ICAM1: variants seen among roughly 807,000 people sequenced by gnomAD.
ICAM1 encodes the protein intercellular adhesion molecule 1.
ICAM1 carries 28 observed loss-of-function variants against 42.3 expected under a neutral mutation model. The observed-to-expected ratio is 0.66, with a 90% CI of 0.49 to 0.91. ICAM1 has a LOEUF of 0.91. ICAM1 is among the 40% of genes least tolerant of loss of function. The pLI, the probability that ICAM1 is intolerant of heterozygous loss-of-function variation, is 0.00. For missense variants in ICAM1, 637 were observed against 688.6 expected, an observed-to-expected ratio of 0.93 and a Z score of 0.84; for synonymous variants, 304 against 305.9, an observed-to-expected ratio of 0.99 and a Z score of 0.07.
At chr19:10,282,749 TCACCTGTAATCCCAG>T (rs1191790146) in intron 2 of ICAM1, among the ~76,000 whole-genome samples, 5 of 151,658 alleles carry the variant, frequency 3.3e-5, no homozygotes. Flanking sequence ...TCATTTACTT[TCACCTGTAATCCCAG>T]CACTTTGGGA....
intron 2 of ICAM1, among the ~76,000 whole-genome samples, chr19:10,281,742 T>C (rs80087128): frequency 4.6e-4 from 41 of 88,272 alleles, no homozygotes; most frequent in African/African-American, 8.9e-4. Flanking sequence ...TTTTTTTTTT[T>C]CCTCTGAGAG....
chr19:10,280,426 T>G (rs543955534), intron 2 of ICAM1, among the ~76,000 whole-genome samples: 4 of 152,076 alleles, frequency 2.6e-5, no homozygotes, highest in Non-Finnish European at 5.9e-5. Context: ...CAGGCTGGAG[T>G]GCAGTGGTAC....
At chr19:10,281,077 G>A (rs2040053497) in intron 2 of ICAM1, among the ~76,000 whole-genome samples, 1 of 150,884 alleles carries the variant, frequency 6.6e-6, no homozygotes, top group Non-Finnish European at 1.5e-5. Flanking sequence ...GTTTCACCGT[G>A]TTAGCCAGGA....
At chr19:10,275,127 G>T in intron 2 of ICAM1, 99 bp downstream of exon 2, 1 of 1,281,642 alleles carries the variant, frequency 7.8e-7, no homozygotes, top group Non-Finnish European at 1.1e-6. Context: ...CCACTTGCTC[G>T]TAGGGTCAAG....
At chr19:10,274,729 T>G in intron 1 of ICAM1, 36 bp from the exon 2 acceptor site, 1 of 1,599,152 alleles carries the variant, frequency 6.3e-7, no homozygotes, top group Non-Finnish European at 8.5e-7. Context: ...GAACCTGATT[T>G]GTAATGCCTG....
chr19:10,283,770 C>G lies in ICAM1; in HGVS notation c.621C>G (p.Tyr207Ter). The change falls in exon 3 of 7, where the codon TAC (tyrosine) becomes TAG (stop). Residue 207 changes from tyrosine to a stop codon, truncating the protein, a stop_gained. Transcript: ENST00000264832. LOFTEE classifies it high-confidence loss of function. ...TGTTTGAGAACACCTCGGCCCCCTA[C>G]CAGCTCCAGACCTTTGGTGAGGATT... Reference protein sequence around the residue: ...LELFENTSAPYQLQTFVLPAT... With the variant: ...LELFENTSAP 1.2e-6 allele frequency: 2 copies of G among 1,607,614 alleles called. No homozygotes were observed. Among genetic ancestry groups the G allele is most frequent in the Non-Finnish European group, 1.7e-6 (2 of 1,176,870 alleles).
chr19:10,281,898 G>A (rs2040062247), intron 2 of ICAM1, among the ~76,000 whole-genome samples: 1 of 151,322 alleles, frequency 6.6e-6, no homozygotes, highest in Non-Finnish European at 1.5e-5. Context: ...ACAACACCAC[G>A]CCTGGCTAAT....
intron 2 of ICAM1, among the ~76,000 whole-genome samples, chr19:10,281,040 A>AC (rs2040052951): frequency 1.3e-5 from 2 of 151,100 alleles, no homozygotes; most frequent in Non-Finnish European, 1.5e-5. Flanking sequence ...CGCCTGGCTA[A>AC]TTTTTTGTAT....
At chr19:10,276,462 A>G (rs1376579657) in intron 2 of ICAM1, among the ~76,000 whole-genome samples, 4 of 147,380 alleles carry the variant, frequency 2.7e-5, no homozygotes, top group Non-Finnish European at 4.5e-5. Flanking sequence ...GGAGAATGGC[A>G]TGAACCCGGG....
chr19:10,275,353 C>T (rs941361302), intron 2 of ICAM1, among the ~76,000 whole-genome samples: 3 of 152,010 alleles, frequency 2.0e-5, no homozygotes, highest in Non-Finnish European at 2.9e-5. Context: ...AAAAATCAGC[C>T]GGGCATGGTG....
intron 1 of ICAM1, among the ~76,000 whole-genome samples, chr19:10,272,242 G>C (rs2039986811): frequency 6.6e-6 from 1 of 152,160 alleles, no homozygotes; most frequent in African/African-American, 2.4e-5. Flanking sequence ...CCAAGATTGT[G>C]CCACTGCACT....
intron 2 of ICAM1, among the ~76,000 whole-genome samples, chr19:10,280,471 T>C (rs1319625067): frequency 2.6e-5 from 4 of 151,922 alleles, no homozygotes; most frequent in Non-Finnish European, 2.9e-5. Context: ...ACTCCCAGGC[T>C]CAAGAAATCC....
At position 10,284,510 on chromosome 19, in the gene ICAM1, G is replaced by A. The variant is rs779307629; in HGVS notation, c.1033G>A (p.Val345Ile). The change falls in exon 5 of 7, where the codon GTT becomes ATT. Residue 345 changes from valine to isoleucine, a missense_variant. Physicochemically the swap from Val to Ile is conservative, Grantham distance 29. Coordinates refer to ENST00000264832, the MANE Select transcript of ICAM1 (RefSeq NM_000201.3). This position sits in a 1 kb window ranked among gnomAD's most constrained non-coding sequence, Gnocchi z 5.4. ...HPRAKVTLNG[V>I]PAQPLGPRAQ... ...TAGAGCCAAGGTGACGCTGAATGGGGTTCCAGCCCAGCCACTGGGCCCGAG... is the reference window on the plus strand; with the variant it reads ...TAGAGCCAAGGTGACGCTGAATGGGATTCCAGCCCAGCCACTGGGCCCGAG... 1.9e-6 allele frequency: 3 copies of A among 1,614,078 alleles called. No individual in the cohort carries two copies. Among genetic ancestry groups the A allele is most frequent in the South Asian group, 2.2e-5 (2 of 91,086 alleles).
At position 10,271,167 on chromosome 19, in the gene ICAM1, C is replaced by T; in HGVS notation, c.8C>T (p.Pro3Leu). The change falls in exon 1 of 7, where the codon CCC (proline) becomes CTC (leucine). Residue 3 changes from proline (P) to leucine (L), a missense_variant. Coordinates refer to ENST00000264832, the MANE Select transcript of ICAM1 (RefSeq NM_000201.3). MA[P>L]SSPRPALPAL... is the part of the protein sequence containing the mutation. ...TGCAACCTCAGCCTCGCTATGGCTC[C>T]CAGCAGCCCCCGGCCCGCGCTGCCC... 1 of 1,612,910 alleles carries T rather than the reference C, an allele frequency of 6.2e-7. No homozygotes were observed. Among genetic ancestry groups the T allele is most frequent in the South Asian group, 1.1e-5 (1 of 90,944 alleles).
intron 2 of ICAM1, among the ~76,000 whole-genome samples, chr19:10,280,328 T>C (rs1358859380): frequency 6.6e-6 from 1 of 151,952 alleles, no homozygotes; most frequent in African/African-American, 2.4e-5. Flanking sequence ...ACTATATATA[T>C]ATATATTTTT....
chr19:10,277,496 G>A (rs1415830443), intron 2 of ICAM1, among the ~76,000 whole-genome samples: 1 of 148,932 alleles, frequency 6.7e-6, no homozygotes, highest in Non-Finnish European at 1.5e-5. Context: ...TTTTTTTGTT[G>A]TTGTCTTTTT....
At chr19:10,271,468 C>T (rs1007563043) in intron 1 of ICAM1, among the ~76,000 whole-genome samples, 5 of 152,044 alleles carry the variant, frequency 3.3e-5, no homozygotes, top group African/African-American at 1.2e-4. Flanking sequence ...GAGGGGCGGG[C>T]CTCGTTTTGT....
chr19:10,285,123 T>C lies in ICAM1; in HGVS notation c.1435T>C (p.Tyr479His), dbSNP rs1480508060. Residue 479 changes from tyrosine to histidine, a missense_variant, in exon 7 of 7, where the codon TAT (tyrosine) becomes CAT (histidine). Coordinates refer to ENST00000264832, the MANE Select transcript of ICAM1 (RefSeq NM_000201.3). ...TTGTATCCTCCCCACAGCCCCCCGG[T>C]ATGAGATTGTCATCATCACTGTGGT... ...KVTVNVLSPR[Y>H]EIVIITVVAA... The C allele has an allele frequency of 3.7e-6, 6 of 1,613,964 alleles. No homozygotes were observed. The highest frequency in any genetic ancestry group is 1.7e-5 in the Admixed American group (1 of 59,990).
chr19:10,271,592 T>C (rs2039981094), intron 1 of ICAM1, among the ~76,000 whole-genome samples: 1 of 152,024 alleles, frequency 6.6e-6, no homozygotes, highest in East Asian at 1.9e-4. Context: ...TTGCGTCTCT[T>C]ACAGTTTCTC....
Sources: allele counts gnomAD v4.1 joint callset (sites outside exome capture counted in the v4.1 genomes callset), GRCh38; gene constraint gnomAD v4.1.1; non-coding constraint Gnocchi (gnomAD v3.1); transcripts MANE v1.5; gene names NCBI Gene and HGNC (gene_info 2026-07-23, HGNC 2026-07-21).